Variants in FRMD5 observed in about 807,000 individuals in gnomAD.
FRMD5 encodes FERM domain containing 5.
A neutral mutation model predicts 69.0 loss-of-function variants in FRMD5; 20 were observed. That is an observed-to-expected ratio of 0.29 (90% CI 0.20 to 0.42). The LOEUF (loss-of-function observed/expected upper bound fraction) is 0.42, where lower values mean the gene tolerates loss of function less well. FRMD5 is among the 10% of genes least tolerant of loss of function. The pLI is 1.00. For synonymous variants in FRMD5, 271 were observed against 260.1 expected (o/e 1.04, Z -0.40); for missense variants, 595 against 708.6 (o/e 0.84, Z 1.82).
intron 1 of FRMD5, among the ~76,000 whole-genome samples, chr15:44,095,024 C>A (rs953290685): frequency 2.0e-5 from 3 of 151,936 alleles, no homozygotes; most frequent in Admixed American, 6.6e-5. Context: ...TCCCACCCAA[C>A]AGGATTAATA....
intron 1 of FRMD5, among the ~76,000 whole-genome samples, chr15:44,036,736 G>C (rs1891930767): frequency 1.3e-5 from 2 of 152,168 alleles, no homozygotes; most frequent in South Asian, 4.1e-4. Context: ...TGTAAGTAAT[G>C]ACACTTGTTT....
chr15:43,932,756 C>T (rs1308777135), intron 1 of FRMD5, among the ~76,000 whole-genome samples: 1 of 152,186 alleles, frequency 6.6e-6, no homozygotes, highest in Non-Finnish European at 1.5e-5. Flanking sequence ...CCTGGGATTC[C>T]CCAGGGCACT....
At position 43,978,652 on chromosome 15, in the gene FRMD5, A is replaced by G. The variant is rs548836181; in HGVS notation, c.103-54343T>C. Among the ~76,000 whole-genome samples, 13 of 152,280 alleles carry G rather than the reference A, an allele frequency of 8.5e-5. No homozygotes were observed. In the South Asian group the frequency reaches 1.7e-3, roughly 19 times the overall value. On this transcript the variant is annotated intron_variant, in intron 1 of 13. Transcript: ENST00000417257. ...CTGCAACCTTCACCTCCCGGGTTCA[A>G]GTGATTCTCCTGCCTCAGCCTCCCA...
intron 1 of FRMD5, among the ~76,000 whole-genome samples, chr15:44,124,797 C>T (rs758359940): frequency 6.6e-6 from 1 of 152,030 alleles, no homozygotes; most frequent in East Asian, 1.9e-4. Context: ...AGAAAGAGAA[C>T]GGTTATAAAA....
In FRMD5 at chr15:44,052,669, T is replaced by G. The variant is rs565038743; in HGVS notation, c.103-128360A>C. ...GAAGCACCACTCTAATATATCAGTT[T>G]TAGTCCCAACAAAAGACACCATGAC... On this transcript the variant is annotated intron_variant, in intron 1 of 13. Coordinates refer to ENST00000417257, the MANE Select transcript of FRMD5 (RefSeq NM_032892.5). Among the ~76,000 whole-genome samples the G allele has an allele frequency of 7.2e-5, 11 of 152,296 alleles. 1 individual carries two copies. The South Asian group carries it at 2.3e-3, about 32-fold the overall frequency.
At chr15:43,922,706 T>A (rs897679676) in intron 2 of FRMD5, among the ~76,000 whole-genome samples, 2 of 151,388 alleles carry the variant, frequency 1.3e-5, no homozygotes, top group Non-Finnish European at 2.9e-5. Context: ...AGTCTTGCTC[T>A]GTCTCCCAGG....
chr15:43,962,987 T>C (rs144071939), intron 1 of FRMD5, among the ~76,000 whole-genome samples: 5,225 of 152,296 alleles, frequency 0.034, 177 homozygotes, highest in Admixed American at 0.11. Flanking sequence ...ATTCAGGATA[T>C]AGGCATGGGC....
At chr15:44,120,689 A>ATTTT (rs5812266) in intron 1 of FRMD5, among the ~76,000 whole-genome samples, 2 of 148,448 alleles carry the variant, frequency 1.3e-5, no homozygotes, top group Admixed American at 6.7e-5. Context: ...CGCCCAGCTA[A>ATTTT]TTTTTTTTTT....
At position 44,033,248 on chromosome 15, in the gene FRMD5, G is replaced by A. The variant is rs1891763858; in HGVS notation, c.103-108939C>T. Among the ~76,000 whole-genome samples the A allele has an allele frequency of 2.0e-5, 3 of 152,082 alleles. No homozygotes were observed. In the South Asian group the frequency reaches 6.2e-4, roughly 32 times the overall value. The stretch of plus-strand genomic sequence containing the variant: ...GACACTGGGTCTACTTGAAGGGGGA[G>A]GATGCGAGGAGAGAAAGGAGCAGAA... On this transcript the variant is annotated intron_variant, in intron 1 of 13. Coordinates refer to ENST00000417257, the MANE Select transcript of FRMD5 (RefSeq NM_032892.5).
Position 43,888,819 on chromosome 15 carries a change from C to T in FRMD5, c.782G>A (p.Ser261Asn), listed in dbSNP as rs1460556787. 3 of 1,613,698 alleles carry T rather than the reference C, an allele frequency of 1.9e-6. No individual in the cohort carries two copies. The highest frequency in any genetic ancestry group is 3.3e-5 in the Admixed American group (2 of 60,002). The change falls in exon 9 of 14, where the codon AGT (serine) becomes AAT (asparagine). Residue 261 changes from serine to asparagine, a missense_variant. Physicochemically the swap from Ser to Asn is conservative, Grantham distance 46. Transcript: ENST00000417257. The part of the protein sequence containing the change: ...FEGKTFYLYV[S>N]QKEEKKIILT... ...GAAGCCAGCACTCACCTCTTTCTGA[C>T]TTACGTATAAATAGAAAGTCTTTCC...
intron 1 of FRMD5, among the ~76,000 whole-genome samples, chr15:44,151,670 A>G (rs936717469): frequency 1.3e-5 from 2 of 152,156 alleles, no homozygotes; most frequent in African/African-American, 2.4e-5. Flanking sequence ...AACAAACAGA[A>G]GCTTCACAAC....
At chr15:44,180,215 T>C (rs2077973569) in intron 1 of FRMD5, among the ~76,000 whole-genome samples, 1 of 152,112 alleles carries the variant, frequency 6.6e-6, no homozygotes, top group South Asian at 2.1e-4. Flanking sequence ...TTACAGACAA[T>C]ATCATTTTTT....
chr15:44,139,416 AT>A (rs1446669290), intron 1 of FRMD5, among the ~76,000 whole-genome samples: 1 of 151,942 alleles, frequency 6.6e-6, no homozygotes, highest in African/African-American at 2.4e-5. Context: ...AAAGAAAAAA[AT>A]CACAAAAATA....
intron 10 of FRMD5, 46 bp downstream of exon 10, chr15:43,888,129 A>T: frequency 6.9e-7 from 1 of 1,455,108 alleles, no homozygotes; most frequent in South Asian, 1.2e-5. Flanking sequence ...ACTCTCTCTG[A>T]CTCTGGCTCT....
chr15:44,131,627 T>C (rs2077098877), intron 1 of FRMD5, among the ~76,000 whole-genome samples: 2 of 152,216 alleles, frequency 1.3e-5, no homozygotes, highest in Admixed American at 1.3e-4. Context: ...AAGGAAATTC[T>C]GACGTATGCT....
intron 1 of FRMD5, among the ~76,000 whole-genome samples, chr15:44,026,185 T>C (rs1186390945): frequency 6.6e-6 from 1 of 152,232 alleles, no homozygotes; most frequent in Non-Finnish European, 1.5e-5. Flanking sequence ...TTCGCCATGT[T>C]GGCCAGGCTG....
At chr15:44,068,980 T>C (rs1362693104) in intron 1 of FRMD5, among the ~76,000 whole-genome samples, 1 of 151,916 alleles carries the variant, frequency 6.6e-6, no homozygotes, top group East Asian at 1.9e-4. Flanking sequence ...CAAAATCCAA[T>C]AATAAAAACA....
At chr15:43,892,187 A>G (rs2140373383) in intron 7 of FRMD5, 118 bp from the exon 8 acceptor site, 1 of 846,000 alleles carries the variant, frequency 1.2e-6, no homozygotes, top group South Asian at 1.5e-5. Flanking sequence ...CAGAGGGAAA[A>G]GCATATCATC....
chr15:44,103,488 C>G (rs962317741), intron 1 of FRMD5, among the ~76,000 whole-genome samples: 2 of 152,192 alleles, frequency 1.3e-5, no homozygotes, highest in Non-Finnish European at 2.9e-5. Flanking sequence ...AGTTATCACT[C>G]TAACTGTTGA....
Sources: allele counts gnomAD v4.1 joint callset (sites outside exome capture counted in the v4.1 genomes callset), GRCh38; gene constraint gnomAD v4.1.1; transcripts MANE v1.5; gene names NCBI Gene and HGNC (gene_info 2026-07-23, HGNC 2026-07-21).